HPSE2: variants seen among roughly 807,000 people sequenced by gnomAD.
The protein encoded by HPSE2 is heparanase 2 (inactive).
Under a neutral mutation model 60.5 loss-of-function variants are expected in HPSE2, and 38 were observed. That is an observed-to-expected ratio of 0.63 (90% CI 0.48 to 0.82). The LOEUF (loss-of-function observed/expected upper bound fraction) is 0.82. HPSE2 is among the 40% of genes least tolerant of loss of function. The pLI, the probability that HPSE2 is intolerant of heterozygous loss-of-function variation, is 0.00. For synonymous variants in HPSE2, 295 were observed against 293.2 expected (o/e 1.01, Z -0.06); for missense variants, 713 against 740.4 (o/e 0.96, Z 0.43).
At position 98,457,518 on chromosome 10, in the gene HPSE2, T is replaced by G. The variant is rs1347017177; in HGVS notation, c.*2056A>C. ...CCCAGGGCCAGGCTCTTAGGGACCT[T>G]TGGTTACTCTTGTTATATCAGGGGG... On this transcript the variant is annotated 3_prime_UTR_variant, in exon 12 of 12. Coordinates refer to ENST00000370552, the MANE Select transcript of HPSE2 (RefSeq NM_021828.5). 5.3e-5 allele frequency: 8 copies of G among 152,196 alleles called. No individual in the cohort carries two copies. Among genetic ancestry groups the G allele is most frequent in the Admixed American group, 5.2e-4 (8 of 15,288 alleles). 9.4% of individuals were successfully genotyped at this position (152,196 alleles called of 1,614,324 possible). A position where few individuals can be genotyped will look rare whatever the true frequency, so the allele number is the denominator to read the frequency against.
intron 11 of HPSE2, among the ~76,000 whole-genome samples, chr10:98,470,522 C>T (rs961365717): frequency 6.6e-6 from 1 of 152,222 alleles, no homozygotes; most frequent in Non-Finnish European, 1.5e-5. Context: ...CCAGGCCCCA[C>T]TATAGGGATA....
At chr10:98,744,463 GT>G (rs1387947428) in intron 3 of HPSE2, among the ~76,000 whole-genome samples, 1 of 151,996 alleles carries the variant, frequency 6.6e-6, no homozygotes, top group East Asian at 1.9e-4. Context: ...GGAAGCTGAG[GT>G]TGTGGTGAGC....
chr10:98,855,374 A>G (rs769722198), intron 3 of HPSE2, among the ~76,000 whole-genome samples: 15 of 151,986 alleles, frequency 9.9e-5, no homozygotes, highest in Admixed American at 5.2e-4. Flanking sequence ...GACCAAGGAG[A>G]GCTGCCCTTG....
Position 98,571,073 on chromosome 10 carries a change from T to A in HPSE2, c.1320+43831A>T, listed in dbSNP as rs1181748808. Among the ~76,000 whole-genome samples the A allele has an allele frequency of 2.6e-5, 4 of 152,194 alleles. No homozygotes were observed. The East Asian group carries it at 7.7e-4, about 29-fold the overall frequency. The stretch of plus-strand genomic sequence containing the variant: ...AGTTGTACTAGTGCAATCGAAGATT[T>A]ATTATCTAAACTTTGAACAGTCAGG... On this transcript the variant is annotated intron_variant, in intron 9 of 11. Transcript: ENST00000370552.
intron 6 of HPSE2, among the ~76,000 whole-genome samples, chr10:98,661,691 C>T (rs1244875846): frequency 6.6e-6 from 1 of 152,130 alleles, no homozygotes; most frequent in Non-Finnish European, 1.5e-5. Flanking sequence ...CAAGCCTGTA[C>T]CATAATTTTT....
intron 5 of HPSE2, among the ~76,000 whole-genome samples, chr10:98,711,886 C>CA (rs1948683802): frequency 6.6e-6 from 1 of 152,108 alleles, no homozygotes; most frequent in South Asian, 2.1e-4. Context: ...CTCACATCCC[C>CA]ACACATCTGC....
chr10:98,606,676 A>T (rs1272773776), intron 9 of HPSE2, among the ~76,000 whole-genome samples: 1 of 150,686 alleles, frequency 6.6e-6, no homozygotes, highest in Non-Finnish European at 1.5e-5. Flanking sequence ...ATTGAAAGTT[A>T]GTAAGTGAGG....
chr10:98,494,459 T>C (rs1358172006), intron 9 of HPSE2, among the ~76,000 whole-genome samples: 1 of 152,266 alleles, frequency 6.6e-6, no homozygotes, highest in African/African-American at 2.4e-5. Flanking sequence ...TATGACCTAA[T>C]GCTTGCTTGG....
At chr10:98,788,636 A>G (rs900597314) in intron 3 of HPSE2, among the ~76,000 whole-genome samples, 3 of 152,174 alleles carry the variant, frequency 2.0e-5, no homozygotes, top group Admixed American at 2.0e-4. Context: ...GGTGTGGGAT[A>G]TCGTCTCGTG....
chr10:99,040,718 A>C (rs1477578593), intron 3 of HPSE2, among the ~76,000 whole-genome samples: 1 of 152,218 alleles, frequency 6.6e-6, no homozygotes, highest in Non-Finnish European at 1.5e-5. Flanking sequence ...AAGGAACTCT[A>C]TTTAGATTCT....
At chr10:99,267,599 T>A in the HPSE2 span, among the ~76,000 whole-genome samples, 1 of 151,858 alleles carries the variant, frequency 6.6e-6, no homozygotes, top group Non-Finnish European at 1.5e-5. Flanking sequence ...CTGGCCAATA[T>A]GGTGAAACCC....
the HPSE2 span, among the ~76,000 whole-genome samples, chr10:99,268,440 G>A: frequency 7.2e-4 from 110 of 151,986 alleles, no homozygotes; most frequent in African/African-American, 2.3e-3. Flanking sequence ...TCAGGAGTTC[G>A]AGAACAGCCT....
chr10:98,973,851 G>GA (rs913832596), intron 3 of HPSE2, among the ~76,000 whole-genome samples: 3 of 143,988 alleles, frequency 2.1e-5, no homozygotes, highest in Non-Finnish European at 4.6e-5. Flanking sequence ...GAGTAAAAAG[G>GA]AAAAAAAGGG....
At chr10:99,035,773 T>C (rs1957595961) in intron 3 of HPSE2, among the ~76,000 whole-genome samples, 1 of 152,190 alleles carries the variant, frequency 6.6e-6, no homozygotes, top group South Asian at 2.1e-4. Flanking sequence ...TAAACCATCA[T>C]ATATGTAGTC....
At chr10:98,779,458 A>G (rs1296366194) in intron 3 of HPSE2, among the ~76,000 whole-genome samples, 1 of 152,128 alleles carries the variant, frequency 6.6e-6, no homozygotes, top group Non-Finnish European at 1.5e-5. Flanking sequence ...GAGAGGTACC[A>G]CTTTCCACAA....
chr10:99,050,356 G>A (rs1278996901), intron 3 of HPSE2, among the ~76,000 whole-genome samples: 1 of 151,832 alleles, frequency 6.6e-6, no homozygotes, highest in African/African-American at 2.4e-5. Context: ...TAAGAATGTG[G>A]AGAAAAGGGA....
Position 99,223,851 on chromosome 10 carries a change from CAGA to C in HPSE2, c.448+8494_448+8496del, listed in dbSNP as rs1163015128. 3.3e-5 allele frequency among the ~76,000 whole-genome samples: 5 copies of C among 152,074 alleles called. No homozygotes were observed. In the East Asian group the frequency reaches 9.7e-4, roughly 29 times the overall value. ...GGGAAATTAATGGGTACTGACTTAGCAGAAGGTTTAATGAAAGATGGAATTTGA... is the reference window on the plus strand; with the variant it reads ...GGGAAATTAATGGGTACTGACTTAGCAGGTTTAATGAAAGATGGAATTTGA... On this transcript the variant is annotated intron_variant, in intron 2 of 11. Transcript: ENST00000370552.
intron 3 of HPSE2, among the ~76,000 whole-genome samples, chr10:99,134,584 G>T (rs886831909): frequency 6.6e-6 from 1 of 152,134 alleles, no homozygotes. Flanking sequence ...TTAAAGAAAA[G>T]AATTTTCAAC....
At chr10:99,262,150 T>G in the HPSE2 span, among the ~76,000 whole-genome samples, 5 of 152,112 alleles carry the variant, frequency 3.3e-5, no homozygotes, top group Non-Finnish European at 7.3e-5. Context: ...GCCTGTCCCC[T>G]TCTAAATCAA....
Sources: allele counts gnomAD v4.1 joint callset (sites outside exome capture counted in the v4.1 genomes callset), GRCh38; gene constraint gnomAD v4.1.1; transcripts MANE v1.5; gene names NCBI Gene and HGNC (gene_info 2026-07-23, HGNC 2026-07-21).